Variants in MACC1 observed in about 807,000 individuals in gnomAD.
MACC1 encodes metastasis-associated in colon cancer protein 1.
MACC1 carries 79 observed loss-of-function variants against 70.7 expected under a neutral mutation model. The observed-to-expected ratio is 1.12, with a 90% CI of 0.93 to 1.35. The LOEUF is 1.35. Among genes scored for constraint, MACC1 ranks in the 40% most tolerant of loss-of-function variants. The pLI is 0.00. For synonymous variants in MACC1, 361 were observed against 347.2 expected (o/e 1.04, Z -0.44); for missense variants, 1,106 against 978.1 (o/e 1.13, Z -1.74).
chr7:20,158,669 G>A lies in MACC1; in HGVS notation c.1692C>T (p.Ser564=). 1 of 1,613,890 alleles carries A rather than the reference G, an allele frequency of 6.2e-7. No individual in the cohort carries two copies. Among genetic ancestry groups the A allele is most frequent in the Non-Finnish European group, 8.5e-7 (1 of 1,179,950 alleles). The change falls in exon 5 of 7, where the codon AGC becomes AGT. Residue 564 remains serine, a synonymous_variant. Coordinates refer to ENST00000400331, the MANE Select transcript of MACC1 (RefSeq NM_182762.4). ...AATATTCAAGGAAGTAATCAATCTT[G>A]CTTTGTCTTAGCACTGCCTTCAGGG... is the stretch of plus-strand genomic sequence containing the variant. The part of the protein sequence containing the change: ...GVTLKAVLRQ[S]KIDYFLEYFK...
chr7:20,153,780 C>T (rs1439842355), intron 6 of MACC1, among the ~76,000 whole-genome samples: 8 of 152,128 alleles, frequency 5.3e-5, no homozygotes, highest in Admixed American at 3.9e-4. Context: ...CATTAGTTAT[C>T]GCAAGTGACT....
intron 6 of MACC1, among the ~76,000 whole-genome samples, chr7:20,151,024 G>T (rs963638882): frequency 5.3e-5 from 8 of 151,288 alleles, no homozygotes; most frequent in African/African-American, 1.9e-4. Flanking sequence ...CTCCAGCCTG[G>T]GTGACAGAGC....
At chr7:20,204,806 A>G (rs925878200) in intron 1 of MACC1, among the ~76,000 whole-genome samples, 1 of 152,240 alleles carries the variant, frequency 6.6e-6, no homozygotes, top group Non-Finnish European at 1.5e-5. Flanking sequence ...CATCTTAAAG[A>G]TGATACTTTA....
rs149315702 is a variant in MACC1 at position 20,189,825 on chromosome 7, G to T, written c.-217-19047C>A. Reference sequence around the variant, plus strand: ...AGAGAGAGAGTAAAAGAAAGACTTAGCTCAGGCTTCTGTAACAAAACACCT... The same window carrying T: ...AGAGAGAGAGTAAAAGAAAGACTTATCTCAGGCTTCTGTAACAAAACACCT... On this transcript the variant is annotated intron_variant, in intron 1 of 6. Coordinates refer to ENST00000400331, the MANE Select transcript of MACC1 (RefSeq NM_182762.4). Among the ~76,000 whole-genome samples the T allele has an allele frequency of 8.1e-4, 123 of 151,836 alleles. 1 individual carries two copies. The East Asian group carries it at 0.021, about 26-fold the overall frequency.
At chr7:20,181,151 A>G (rs1008105825) in intron 1 of MACC1, among the ~76,000 whole-genome samples, 2 of 152,128 alleles carry the variant, frequency 1.3e-5, no homozygotes, top group Admixed American at 6.5e-5. Context: ...CAATGTACAC[A>G]TAAACATGAA....
At chr7:20,154,475 A>T in intron 5 of MACC1, 94 bp from the exon 6 acceptor site, 1 of 1,286,936 alleles carries the variant, frequency 7.8e-7, no homozygotes, top group African/African-American at 1.5e-5. Flanking sequence ...TACAAATGGG[A>T]GTCCTTTTTT....
In MACC1 at chr7:20,205,921, C is replaced by T. The variant is rs1782904852; in HGVS notation, c.-218+11378G>A. ...TACCCTCAGGCACCTCCATATATAC[C>T]TCACATCAATATATCTCTTCTTCCT... is the stretch of plus-strand genomic sequence containing the variant. On this transcript the variant is annotated intron_variant, in intron 1 of 6. Coordinates refer to ENST00000400331, the MANE Select transcript of MACC1 (RefSeq NM_182762.4). 5.3e-5 allele frequency among the ~76,000 whole-genome samples: 8 copies of T among 152,186 alleles called. No individual in the cohort carries two copies. The South Asian group carries it at 1.7e-3, about 32-fold the overall frequency.
chr7:20,168,919 C>A (rs578191743), intron 2 of MACC1, among the ~76,000 whole-genome samples: 14 of 152,294 alleles, frequency 9.2e-5, no homozygotes, highest in Admixed American at 9.2e-4. Flanking sequence ...AGATAGGAGT[C>A]ACGTTCTCTT....
At chr7:20,211,422 A>G (rs1782994519) in intron 1 of MACC1, among the ~76,000 whole-genome samples, 1 of 152,182 alleles carries the variant, frequency 6.6e-6, no homozygotes, top group African/African-American at 2.4e-5. Flanking sequence ...TATGAATAAT[A>G]CTAAAGTTAA....
At chr7:20,194,287 T>A (rs1782716721) in intron 1 of MACC1, among the ~76,000 whole-genome samples, 1 of 152,076 alleles carries the variant, frequency 6.6e-6, no homozygotes, top group African/African-American at 2.4e-5. Flanking sequence ...AAGAAAAGAA[T>A]TAAAAGGAAA....
Position 20,180,271 on chromosome 7 carries a change from C to T in MACC1, c.-217-9493G>A, listed in dbSNP as rs185894608. On this transcript the variant is annotated intron_variant, in intron 1 of 6. Transcript: ENST00000400331. Reference sequence around the variant, plus strand: ...CATCCTGGCCAACACGGTAAAACCCCGTCTCTACTAAAAACACAAAAATTA... The same window carrying T: ...CATCCTGGCCAACACGGTAAAACCCTGTCTCTACTAAAAACACAAAAATTA... Among the ~76,000 whole-genome samples the T allele has an allele frequency of 8.1e-3, 1,221 of 151,500 alleles. 12 individuals carry two copies. Among genetic ancestry groups the T allele is most frequent in the Non-Finnish European group, 9.8e-3 (666 of 67,876 alleles).
intron 6 of MACC1, among the ~76,000 whole-genome samples, chr7:20,153,754 A>G (rs1195058977): frequency 1.3e-5 from 2 of 152,026 alleles, no homozygotes; most frequent in African/African-American, 4.8e-5. Flanking sequence ...CTTTCTTACT[A>G]CTTCTTGTCC....
chr7:20,181,374 A>G (rs1782504244), intron 1 of MACC1, among the ~76,000 whole-genome samples: 1 of 152,094 alleles, frequency 6.6e-6, no homozygotes. Flanking sequence ...ACTGAATATT[A>G]GATTAAATAT....
In MACC1 at chr7:20,185,491, A is replaced by T. The variant is rs893039237; in HGVS notation, c.-217-14713T>A. Reference sequence around the variant, plus strand: ...CTTACAAAGTTTATTTAAAAAAAAAATTTTTTTTCTTTAAACAGATTTTAA... The same window carrying T: ...CTTACAAAGTTTATTTAAAAAAAAATTTTTTTTTCTTTAAACAGATTTTAA... On this transcript the variant is annotated intron_variant, in intron 1 of 6. Coordinates refer to ENST00000400331, the MANE Select transcript of MACC1 (RefSeq NM_182762.4). 3.8e-4 allele frequency among the ~76,000 whole-genome samples: 58 copies of T among 151,536 alleles called. No homozygotes were observed. The East Asian group carries it at 4.1e-3, about 11-fold the overall frequency.
chr7:20,167,668 T>C (rs1362867251), intron 2 of MACC1, among the ~76,000 whole-genome samples: 4 of 151,424 alleles, frequency 2.6e-5, no homozygotes, highest in African/African-American at 4.9e-5. Flanking sequence ...AAACTTCTCT[T>C]CCAGAGGAAG....
intron 1 of MACC1, among the ~76,000 whole-genome samples, chr7:20,185,944 G>T: frequency 6.6e-6 from 1 of 152,182 alleles, no homozygotes; most frequent in Non-Finnish European, 1.5e-5. Flanking sequence ...AAAATCCCAA[G>T]ATTCTTGCCC....
chr7:20,193,897 C>A (rs117914893), intron 1 of MACC1, among the ~76,000 whole-genome samples: 1 of 152,078 alleles, frequency 6.6e-6, no homozygotes, highest in Non-Finnish European at 1.5e-5. Context: ...CCCCCGCCCC[C>A]ACACACACCT....
rs1453063563 is a variant in MACC1, at chr7:20,158,745, T to G, written c.1616A>C (p.Lys539Thr). Residue 539 changes from lysine (K) to threonine (T), a missense_variant, in exon 5 of 7, where the codon AAA (lysine) becomes ACA (threonine). By Grantham distance (78) the Lys-to-Thr change is moderately conservative. Transcript: ENST00000400331. The part of the protein sequence containing the change: ...SAPLSPKILV[K>T]YPTFQDKTLN... ...TGTTTTATCTTGAAATGTAGGATAT[T>G]TAACAAGAATTTTTGGTGATAAAGG... 1.9e-6 allele frequency: 3 copies of G among 1,613,882 alleles called. No homozygotes were observed. Among genetic ancestry groups the G allele is most frequent in the Non-Finnish European group, 8.5e-7 (1 of 1,180,008 alleles).
intron 5 of MACC1, among the ~76,000 whole-genome samples, chr7:20,157,766 CAAAAA>C (rs370288319): frequency 6.1e-4 from 33 of 53,934 alleles, no homozygotes; most frequent in Non-Finnish European, 1.2e-3. Context: ...GACTTTGTCT[CAAAAA>C]AAAAAAAAAA....
Sources: allele counts gnomAD v4.1 joint callset (sites outside exome capture counted in the v4.1 genomes callset), GRCh38; gene constraint gnomAD v4.1.1; transcripts MANE v1.5; gene names NCBI Gene and HGNC (gene_info 2026-07-23, HGNC 2026-07-21).